CCT5: variants seen among roughly 807,000 people sequenced by gnomAD.
CCT5 encodes chaperonin containing TCP1 subunit 5, also known as T-complex protein 1 subunit epsilon.
Under a neutral mutation model 55.0 loss-of-function variants are expected in CCT5, and 6 were observed. That is an observed-to-expected ratio of 0.11 (90% confidence interval 0.06 to 0.22). CCT5 has a LOEUF of 0.22. Ranked by LOEUF, CCT5 falls within the 10% of genes least tolerant of loss-of-function variation. CCT5 has a pLI of 1.00. For synonymous variants in CCT5, 231 were observed against 243.7 expected (o/e 0.95, Z 0.49); for missense variants, 560 against 694.6 (o/e 0.81, Z 2.18).
intron 6 of CCT5, among the ~76,000 whole-genome samples, chr5:10,259,527 A>G (rs1250290615): frequency 2.0e-5 from 3 of 152,220 alleles, no homozygotes; most frequent in Non-Finnish European, 4.4e-5. Flanking sequence ...GATAAGAGAA[A>G]GGTGGGTACA....
chr5:10,256,049 T>C lies in CCT5; in HGVS notation c.426T>C (p.Arg142=), dbSNP rs1042392. The C allele has an allele frequency of 0.83, 1,342,495 of 1,613,930 alleles. 565,720 individuals carry two copies. Among genetic ancestry groups the C allele is most frequent in the East Asian group, 0.89 (40,015 of 44,886 alleles). ...CCGATGGCTATGAGCAGGCTGCTCG[T>C]GTTGCTATTGAACACCTGGACAAGA... ...RIADGYEQAA[R]VAIEHLDKIS... The change falls in exon 4 of 11, where the codon CGT becomes CGC. Residue 142 remains arginine (R), a synonymous_variant. Coordinates refer to ENST00000280326, the MANE Select transcript of CCT5 (RefSeq NM_012073.5).
At chr5:10,263,023 A>G in intron 9 of CCT5, 111 bp from the exon 10 acceptor site, 1 of 890,144 alleles carries the variant, frequency 1.1e-6, no homozygotes, top group East Asian at 2.4e-5. Flanking sequence ...CTGTTCTTAC[A>G]ATTCTTTGTG....
chr5:10,254,971 A>G (rs2578616), intron 3 of CCT5, 133 bp downstream of exon 3: 3 of 762,954 alleles, frequency 3.9e-6, no homozygotes, highest in South Asian at 2.9e-5. Context: ...AAAACATGCT[A>G]CAAAACAAAT....
chr5:10,261,131 G>T (rs754135861), intron 7 of CCT5: 27 of 617,700 alleles, frequency 4.4e-5, no homozygotes, highest in Non-Finnish European at 6.4e-5. Flanking sequence ...TTCTCTCCCT[G>T]TGTTGTCTCA....
At chr5:10,250,856 C>G in intron 1 of CCT5, 4 of 1,050,410 alleles carry the variant, frequency 3.8e-6, no homozygotes, top group Non-Finnish European at 4.6e-6. Flanking sequence ...GCTGGTCCAC[C>G]CGCAACGGCC....
intron 3 of CCT5, among the ~76,000 whole-genome samples, chr5:10,255,369 T>C (rs199722242): frequency 7.3e-4 from 111 of 152,334 alleles, no homozygotes; most frequent in African/African-American, 2.4e-3. Context: ...ACCTTTTTTT[T>C]CTGAAGATTT....
chr5:10,249,929 A>AC (rs1745271030), upstream of CCT5: 11 of 831,292 alleles, frequency 1.3e-5, no homozygotes, highest in African/African-American at 1.6e-4. Context: ...AAAAAAAAAA[A>AC]AAAAACCGGA....
chr5:10,253,328 C>CA (rs11443315), intron 1 of CCT5, among the ~76,000 whole-genome samples: 143,452 of 147,778 alleles, frequency 0.97, 69,676 homozygotes, highest in African/African-American at 0.99. Flanking sequence ...AAGACTGTCT[C>CA]AAAAAAAAAA....
chr5:10,251,781 A>G (rs1365413736), intron 1 of CCT5, among the ~76,000 whole-genome samples: 1 of 152,214 alleles, frequency 6.6e-6, no homozygotes, highest in Non-Finnish European at 1.5e-5. Context: ...AGCTAATTGT[A>G]TTATGTATTC....
intron 3 of CCT5, 101 bp downstream of exon 3, chr5:10,254,939 G>A (rs1454714414): frequency 1.0e-6 from 1 of 982,210 alleles, no homozygotes; most frequent in African/African-American, 1.6e-5. Context: ...CAGAGCATGA[G>A]GAGACAGACA....
At position 10,265,471 on chromosome 5, in the gene CCT5, G is replaced by A. The variant is rs984278873; in HGVS notation, c.*688G>A. 6.6e-6 allele frequency: 1 copy of A among 152,366 alleles called. No individual in the cohort carries two copies. The highest frequency in any genetic ancestry group is 2.4e-5 in the African/African-American group (1 of 41,458). The allele number at this position is 152,366 out of a possible 1,614,324, so 9.4% of individuals were successfully genotyped here. ...TTCCCTATCAGAGGGACACAGTGAAGTGGAGGTTAAAGTAAATTACAGGAA... is the reference window on the plus strand; with the variant it reads ...TTCCCTATCAGAGGGACACAGTGAAATGGAGGTTAAAGTAAATTACAGGAA... On this transcript the variant is annotated 3_prime_UTR_variant, in exon 11 of 11. Transcript: ENST00000280326.
intron 4 of CCT5, 61 bp downstream of exon 4, chr5:10,256,214 C>A: frequency 7.2e-7 from 1 of 1,393,042 alleles, no homozygotes; most frequent in Non-Finnish European, 1.0e-6. Flanking sequence ...TTTGCCATTT[C>A]TTAAAGGCAA....
At chr5:10,250,953 A>G (rs943394444) in intron 1 of CCT5, 21 of 824,834 alleles carry the variant, frequency 2.5e-5, no homozygotes, top group Non-Finnish European at 3.1e-5. Context: ...CCTTGAGGAA[A>G]AATAGCGAAG....
Position 10,262,542 on chromosome 5 carries a change from G to A in CCT5, c.1241G>A (p.Arg414His), listed in dbSNP as rs1746015680. Residue 414 changes from arginine to histidine, a missense_variant, in exon 9 of 11, where the codon CGC becomes CAC. Arg to His is a conservative substitution (Grantham distance 29). Transcript: ENST00000280326. ...DALCVIRNLI[R>H]DNRVVYGGGA... is the part of the protein sequence containing the mutation. The stretch of plus-strand genomic sequence containing the variant: ...TTGTGTGTCATCCGGAACCTCATCC[G>A]CGATAATCGTGTGGTGTATGGAGGA... The A allele has an allele frequency of 3.1e-6, 5 of 1,614,092 alleles. No homozygotes were observed. The highest frequency in any genetic ancestry group is 1.3e-5 in the African/African-American group (1 of 74,938).
At chr5:10,252,839 G>A (rs1745494225) in intron 1 of CCT5, among the ~76,000 whole-genome samples, 1 of 151,922 alleles carries the variant, frequency 6.6e-6, no homozygotes, top group East Asian at 1.9e-4. Flanking sequence ...CGAGCAGTAG[G>A]GCAAAATAGA....
Position 10,250,337 on chromosome 5 carries a change from C to T in CCT5, c.-4C>T, listed in dbSNP as rs376371651. ...TGGGGGGAAGTAATTCCGGTTGTTG[C>T]ACCATGGCGTCCATGGGGACCCTCG... On this transcript the variant is annotated 5_prime_UTR_variant, in exon 1 of 11. Coordinates refer to ENST00000280326, the MANE Select transcript of CCT5 (RefSeq NM_012073.5). The T allele has an allele frequency of 6.2e-6, 10 of 1,613,932 alleles. No individual in the cohort carries two copies. The highest frequency in any genetic ancestry group is 4.0e-5 in the African/African-American group (3 of 74,942).
intron 1 of CCT5, chr5:10,250,885 C>T (rs1745361788): frequency 6.7e-6 from 7 of 1,041,246 alleles, no homozygotes; most frequent in African/African-American, 1.7e-5. Flanking sequence ...TTCTTTGTCA[C>T]TCGTAAAGGT....
intron 1 of CCT5, chr5:10,250,774 T>C: frequency 1.7e-6 from 2 of 1,203,308 alleles, no homozygotes; most frequent in Non-Finnish European, 2.1e-6. Context: ...CGCGTGGGAC[T>C]GCGCTCCAGT....
At chr5:10,252,974 A>G (rs1216867896) in intron 1 of CCT5, among the ~76,000 whole-genome samples, 3 of 147,778 alleles carry the variant, frequency 2.0e-5, no homozygotes, top group Non-Finnish European at 3.0e-5. Context: ...GCTAAATGTG[A>G]AAAAAAAAAC....
Sources: gnomAD v4.1 joint callset for allele counts (sites outside exome capture counted in the v4.1 genomes callset) on GRCh38, gnomAD v4.1.1 for gene constraint, MANE v1.5 for transcripts, NCBI Gene and HGNC (gene_info 2026-07-23, HGNC 2026-07-21) for gene names.